CREB3L3: variants seen among roughly 807,000 people sequenced by gnomAD.
CREB3L3 encodes cAMP responsive element binding protein 3 like 3.
Under a neutral mutation model 44.6 loss-of-function variants are expected in CREB3L3, and 40 were observed. The observed-to-expected ratio is 0.90, with a 90% CI of 0.70 to 1.17. The LOEUF is 1.17. Among genes scored for constraint, CREB3L3 ranks in the 50% most tolerant of loss-of-function variants. The pLI is 0.00. For missense variants in CREB3L3, 578 were observed against 595.8 expected (o/e 0.97, Z 0.31); for synonymous variants, 273 against 256.3 (o/e 1.06, Z -0.62).
Position 4,171,007 on chromosome 19 carries a change from G to A in CREB3L3, c.891-84G>A, listed in dbSNP as rs1191091034. ...AAGAATGGATGGAATTTGGACTTTA[G>A]CGGGGCTGGGGGACCCCGGAAATGG... On this transcript the variant is annotated intron_variant, in intron 7 of 9. Coordinates refer to ENST00000078445, the MANE Select transcript of CREB3L3 (RefSeq NM_032607.3). This position sits in a 1 kb window ranked among gnomAD's most constrained non-coding sequence, Gnocchi z 4.9. The A allele has an allele frequency of 1.0e-6, 1 of 964,356 alleles. No homozygotes were observed. The highest frequency in any genetic ancestry group is 1.6e-5 in the African/African-American group (1 of 62,560). The allele number at this position is 964,356 out of a possible 1,614,324, so 59.7% of individuals were successfully genotyped here.
At chr19:4,162,777 GA>G (rs1041030374) in intron 4 of CREB3L3, among the ~76,000 whole-genome samples, 1 of 146,192 alleles carries the variant, frequency 6.8e-6, no homozygotes, top group African/African-American at 2.5e-5. Context: ...CCAGGAGTTT[GA>G]GACCAGCCTG....
chr19:4,153,845 G>T (rs1041967618), intron 1 of CREB3L3, 71 bp downstream of exon 1: 2 of 1,548,282 alleles, frequency 1.3e-6, no homozygotes, highest in Non-Finnish European at 1.8e-6. Flanking sequence ...TGCCAGAGCT[G>T]GAAGGACCCC....
chr19:4,164,414 G>A (rs2041699641), intron 4 of CREB3L3, 89 bp from the exon 5 acceptor site: 1 of 1,524,614 alleles, frequency 6.6e-7, no homozygotes, highest in Non-Finnish European at 9.0e-7. Flanking sequence ...AGCCTGGGGT[G>A]ATAGTGTTTT....
rs747354419 is a variant in CREB3L3, at chr19:4,168,443, T to C, written c.807T>C (p.Asp269=). 1 of 1,554,258 alleles carries C rather than the reference T, an allele frequency of 6.4e-7. No homozygotes were observed. Among genetic ancestry groups the C allele is most frequent in the South Asian group, 1.1e-5 (1 of 89,888 alleles). The part of the protein sequence containing the change: ...ESRKKKKEYI[D]GLETRMSACT... ...GGAAGAAGAAGAAGGAATATATCGA[T>C]GGCCTGGAGACTCGGTGGGTAGTGC... is the stretch of plus-strand genomic sequence containing the variant. The change falls in exon 6 of 10, where the codon GAT becomes GAC. Residue 269 remains aspartate, a synonymous_variant. Coordinates refer to ENST00000078445, the MANE Select transcript of CREB3L3 (RefSeq NM_032607.3).
Position 4,156,976 on chromosome 19 carries a change from C to T in CREB3L3, c.157-19C>T, listed in dbSNP as rs1343647397. ...GTGAGCACTTCCTAATTCCTACTAC[C>T]CCTCCCTGTCCACCCCAGCAGGTCC... On this transcript the variant is annotated intron_variant, in intron 2 of 9. Transcript: ENST00000078445. 2 of 1,613,670 alleles carry T rather than the reference C, an allele frequency of 1.2e-6. No homozygotes were observed. Among genetic ancestry groups the T allele is most frequent in the East Asian group, 2.2e-5 (1 of 44,884 alleles).
chr19:4,155,355 TTTC>T (rs1285314071), intron 2 of CREB3L3, among the ~76,000 whole-genome samples: 15 of 147,918 alleles, frequency 1.0e-4, no homozygotes, highest in Admixed American at 4.9e-4. Flanking sequence ...CCTTTCTCTC[TTTC>T]TTCTTCTTTT....
At chr19:4,155,095 G>T in intron 2 of CREB3L3, 68 bp downstream of exon 2, 3 of 1,588,496 alleles carry the variant, frequency 1.9e-6, no homozygotes, top group Non-Finnish European at 2.6e-6. Context: ...GCCCCACGAA[G>T]GTGCTAGACC....
rs879909252 is a variant in CREB3L3, at chr19:4,156,749, T to C, written c.157-246T>C. Among the ~76,000 whole-genome samples the C allele has an allele frequency of 3.3e-4, 48 of 144,726 alleles. 1 individual carries two copies. The highest frequency in any genetic ancestry group is 2.1e-4 in the Non-Finnish European group (14 of 65,688). The allele number at this position is 144,726 out of a possible 152,430, so 94.9% of individuals were successfully genotyped here. On this transcript the variant is annotated intron_variant, in intron 2 of 9. Transcript: ENST00000078445. ...ACTCCTGACCTCAAGTGATTCGCCC[T>C]CCTCGGCCTCCCAAAGTGCTGGGAT...
chr19:4,167,995 T>TTATTTATTTATC (rs1254867743), intron 5 of CREB3L3, among the ~76,000 whole-genome samples: 17 of 150,584 alleles, frequency 1.1e-4, no homozygotes, highest in African/African-American at 3.9e-4. Context: ...ATTTATTTAT[T>TTATTTATTTATC]TATTTATCTA....
intron 4 of CREB3L3, among the ~76,000 whole-genome samples, chr19:4,161,843 C>T (rs1240464042): frequency 1.3e-5 from 2 of 151,904 alleles, no homozygotes; most frequent in African/African-American, 2.4e-5. Context: ...CAGGATGGGG[C>T]GATGTACTGT....
intron 4 of CREB3L3, among the ~76,000 whole-genome samples, chr19:4,160,624 C>T (rs999046725): frequency 4.0e-5 from 6 of 151,894 alleles, no homozygotes; most frequent in African/African-American, 9.7e-5. Context: ...GGTGCAATCT[C>T]GGATCACTGC....
intron 5 of CREB3L3, among the ~76,000 whole-genome samples, chr19:4,167,352 A>AAGAAAGAAAGAGAG (rs377740874): frequency 8.5e-5 from 11 of 130,144 alleles, no homozygotes; most frequent in African/African-American, 3.2e-4. Flanking sequence ...GAAAGAAAGA[A>AAGAAAGAAAGAGAG]AGAGAGAGAG....
At chr19:4,164,280 G>C (rs1002885052) in intron 4 of CREB3L3, among the ~76,000 whole-genome samples, 2 of 151,694 alleles carry the variant, frequency 1.3e-5, no homozygotes, top group Non-Finnish European at 2.9e-5. Flanking sequence ...GGCAATTTTT[G>C]TATTTTTAGT....
At chr19:4,156,103 C>G (rs1568277765) in intron 2 of CREB3L3, among the ~76,000 whole-genome samples, 2 of 142,556 alleles carry the variant, frequency 1.4e-5, no homozygotes, top group South Asian at 2.4e-4. Context: ...CTCTCTCTCT[C>G]TCTCTCTCTC....
chr19:4,161,799 C>A (rs1256801034), intron 4 of CREB3L3, among the ~76,000 whole-genome samples: 3 of 152,140 alleles, frequency 2.0e-5, no homozygotes, highest in East Asian at 3.9e-4. Flanking sequence ...GCAGTGAGCA[C>A]CAGCTGTGTG....
rs2041702610 is a variant in CREB3L3, at chr19:4,164,611, A to AC, written c.688dup (p.Leu230ProfsTer9). On this transcript the variant is annotated frameshift_variant, in exon 5 of 10. Coordinates refer to ENST00000078445, the MANE Select transcript of CREB3L3 (RefSeq NM_032607.3). LOFTEE classifies it high-confidence loss of function. The stretch of plus-strand genomic sequence containing the variant: ...GAAGCTGCTGGCTAAAGAAGGCATC[A>AC]CCCTGCCCACTCAGCTGCCCCTCAC... The AC allele has an allele frequency of 6.2e-7, 1 of 1,613,792 alleles. No homozygotes were observed. Among genetic ancestry groups the AC allele is most frequent in the African/African-American group, 1.3e-5 (1 of 74,862 alleles).
At chr19:4,169,481 A>G (rs1966994907) in intron 6 of CREB3L3, among the ~76,000 whole-genome samples, 1 of 152,068 alleles carries the variant, frequency 6.6e-6, no homozygotes, top group Non-Finnish European at 1.5e-5. Context: ...CTCCATCTCA[A>G]AAAACAAACA....
At chr19:4,158,103 G>A (rs929375092) in intron 3 of CREB3L3, among the ~76,000 whole-genome samples, 7 of 152,052 alleles carry the variant, frequency 4.6e-5, no homozygotes, top group African/African-American at 1.2e-4. Context: ...CATTCCCGGC[G>A]GGCCAGGCAG....
chr19:4,159,913 A>G (rs2041637204), intron 4 of CREB3L3, 131 bp downstream of exon 4: 1 of 680,572 alleles, frequency 1.5e-6, no homozygotes, highest in African/African-American at 1.8e-5. Flanking sequence ...GCCCACAGTT[A>G]GAGACCATTC....
Sources: gnomAD v4.1 joint callset for allele counts (sites outside exome capture counted in the v4.1 genomes callset) on GRCh38, gnomAD v4.1.1 for gene constraint, Gnocchi (gnomAD v3.1) non-coding constraint, MANE v1.5 for transcripts, NCBI Gene and HGNC (gene_info 2026-07-23, HGNC 2026-07-21) for gene names.